The following KHDRBS2 variants were observed in gnomAD, a reference collection of about 807,000 sequenced individuals.
KHDRBS2 encodes KH domain-containing, RNA-binding, signal transduction-associated protein 2.
Under a neutral mutation model 44.3 loss-of-function variants are expected in KHDRBS2, and 26 were observed. The ratio of observed to expected loss-of-function variants is 0.59; its 90% CI spans 0.43 to 0.81. KHDRBS2 has a LOEUF of 0.81. KHDRBS2 is among the 40% of genes least tolerant of loss of function. KHDRBS2 has a pLI of 0.00. For synonymous variants in KHDRBS2, 194 were observed against 151.1 expected, an observed-to-expected ratio of 1.28 and a Z score of -2.08; for missense variants, 476 against 433.1, an observed-to-expected ratio of 1.10 and a Z score of -0.88.
chr6:62,036,395 T>C (rs1785290677), intron 3 of KHDRBS2, among the ~76,000 whole-genome samples: 1 of 151,790 alleles, frequency 6.6e-6, no homozygotes, highest in Admixed American at 6.6e-5. Flanking sequence ...TATTTGAGGG[T>C]GGAGGGTTGG....
At chr6:62,059,288 C>A (rs1335715255) in intron 2 of KHDRBS2, among the ~76,000 whole-genome samples, 18 of 118,064 alleles carry the variant, frequency 1.5e-4, no homozygotes, top group African/African-American at 2.2e-4. Flanking sequence ...TGGAAAAAGG[C>A]AGTGACAGAA....
intron 2 of KHDRBS2, among the ~76,000 whole-genome samples, chr6:62,108,423 C>T (rs955845994): frequency 8.5e-5 from 13 of 152,072 alleles, no homozygotes; most frequent in South Asian, 4.2e-4. Context: ...GTTAGAATGG[C>T]GATCATTAAA....
At chr6:61,717,105 T>C (rs17836049) in intron 7 of KHDRBS2, among the ~76,000 whole-genome samples, 27,809 of 152,024 alleles carry the variant, frequency 0.18, 2,674 homozygotes, top group Non-Finnish European at 0.2. Flanking sequence ...ATGGTTTTTC[T>C]AACTCTTCTT....
intron 1 of KHDRBS2, among the ~76,000 whole-genome samples, chr6:62,268,335 C>A (rs1003700622): frequency 6.6e-6 from 1 of 152,026 alleles, no homozygotes; most frequent in Non-Finnish European, 1.5e-5. Context: ...TGAGTACATA[C>A]ATGCTTACTA....
chr6:61,887,682 CAT>C (rs1801171195), intron 6 of KHDRBS2, among the ~76,000 whole-genome samples: 1 of 152,234 alleles, frequency 6.6e-6, no homozygotes, highest in South Asian at 2.1e-4. Context: ...TGAATTGACT[CAT>C]AGAGGGATTT....
intron 2 of KHDRBS2, among the ~76,000 whole-genome samples, chr6:62,086,491 G>T (rs73489265): frequency 0.023 from 3,453 of 152,262 alleles, 140 homozygotes; most frequent in African/African-American, 0.079. Context: ...GAAAGTGGAG[G>T]CAGTGGTGGT....
chr6:61,883,050 G>A (rs1231830780), intron 6 of KHDRBS2, among the ~76,000 whole-genome samples: 1 of 151,890 alleles, frequency 6.6e-6, no homozygotes, highest in Non-Finnish European at 1.5e-5. Context: ...GAACTCAGAA[G>A]GAAAAACATG....
intron 2 of KHDRBS2, among the ~76,000 whole-genome samples, chr6:62,135,491 A>G (rs1375795141): frequency 2.0e-5 from 3 of 152,218 alleles, no homozygotes; most frequent in Non-Finnish European, 4.4e-5. Flanking sequence ...AGTATTAAAA[A>G]TAGAGCTACT....
intron 6 of KHDRBS2, among the ~76,000 whole-genome samples, chr6:61,773,516 T>C (rs978136039): frequency 3.3e-5 from 5 of 151,932 alleles, no homozygotes; most frequent in African/African-American, 1.2e-4. Flanking sequence ...AAATTTGTTT[T>C]GAGTTCATTG....
intron 3 of KHDRBS2, among the ~76,000 whole-genome samples, chr6:62,027,195 T>G (rs1404089745): frequency 6.6e-6 from 1 of 152,086 alleles, no homozygotes; most frequent in Non-Finnish European, 1.5e-5. Context: ...GTAGTGGTCT[T>G]TGTGGGGAGA....
chr6:62,075,851 C>T (rs1364911654), intron 2 of KHDRBS2, among the ~76,000 whole-genome samples: 2 of 151,608 alleles, frequency 1.3e-5, no homozygotes, highest in Non-Finnish European at 2.9e-5. Flanking sequence ...GGTCTAATCT[C>T]TGTATATACC....
At chr6:61,875,124 T>G (rs1325548399) in intron 6 of KHDRBS2, among the ~76,000 whole-genome samples, 1 of 151,638 alleles carries the variant, frequency 6.6e-6, no homozygotes, top group Non-Finnish European at 1.5e-5. Context: ...GGGGACCTGA[T>G]AGGTTGAATA....
At chr6:62,005,068 T>C (rs1778967528) in intron 3 of KHDRBS2, among the ~76,000 whole-genome samples, 1 of 152,074 alleles carries the variant, frequency 6.6e-6, no homozygotes, top group Non-Finnish European at 1.5e-5. Flanking sequence ...AAACACTTCA[T>C]TTTTAGAGTT....
At chr6:62,120,912 C>G (rs1171962362) in intron 2 of KHDRBS2, among the ~76,000 whole-genome samples, 2 of 152,112 alleles carry the variant, frequency 1.3e-5, no homozygotes, top group Admixed American at 1.3e-4. Flanking sequence ...AACCTTTCAC[C>G]AGAGTAACTG....
chr6:61,862,548 A>T (rs1797144099), intron 6 of KHDRBS2, among the ~76,000 whole-genome samples: 1 of 152,130 alleles, frequency 6.6e-6, no homozygotes, highest in Non-Finnish European at 1.5e-5. Context: ...AATTTTACTG[A>T]AGGCCTTTTC....
intron 7 of KHDRBS2, among the ~76,000 whole-genome samples, chr6:61,723,639 T>A (rs1425308786): frequency 2.0e-5 from 3 of 151,320 alleles, no homozygotes; most frequent in Non-Finnish European, 4.4e-5. Context: ...ATAACTGACC[T>A]GATGGAGCTG....
intron 3 of KHDRBS2, among the ~76,000 whole-genome samples, chr6:62,006,184 A>C (rs1305311544): frequency 6.6e-6 from 1 of 151,992 alleles, no homozygotes; most frequent in Non-Finnish European, 1.5e-5. Context: ...CAGCAAAGAA[A>C]ACCTCTAAAA....
At chr6:62,226,170 CTT>C (rs1831780104) in intron 1 of KHDRBS2, among the ~76,000 whole-genome samples, 1 of 152,152 alleles carries the variant, frequency 6.6e-6, no homozygotes. Flanking sequence ...TAAAAGCACT[CTT>C]ATTTCTCCAC....
intron 1 of KHDRBS2, among the ~76,000 whole-genome samples, chr6:62,219,806 A>G (rs1830585770): frequency 1.4e-5 from 2 of 147,950 alleles, no homozygotes. Context: ...TATATGATAT[A>G]TAGTTACTAT....
Sources: gnomAD v4.1 joint callset for allele counts (sites outside exome capture counted in the v4.1 genomes callset) on GRCh38, gnomAD v4.1.1 for gene constraint, MANE v1.5 for transcripts, NCBI Gene and HGNC (gene_info 2026-07-23, HGNC 2026-07-21) for gene names.